The following CDKL5 variants were observed in gnomAD, a reference collection of about 807,000 sequenced individuals.
The protein encoded by CDKL5 is cyclin dependent kinase like 5.
CDKL5 carries 8 observed loss-of-function variants against 61.7 expected under a neutral mutation model. The ratio of observed to expected loss-of-function variants is 0.13; its 90% CI spans 0.08 to 0.23. The LOEUF is 0.23. Ranked by LOEUF, CDKL5 falls within the 10% of genes least tolerant of loss-of-function variation. The pLI, the probability that CDKL5 is intolerant of heterozygous loss-of-function variation, is 1.00. For missense variants in CDKL5, 440 were observed against 734.5 expected (o/e 0.60, Z 4.63); for synonymous variants, 275 against 272.3 (o/e 1.01, Z -0.10).
chrX:18,477,239 G>A (rs1314445333), intron 1 of CDKL5, among the ~76,000 whole-genome samples: 6 of 110,714 alleles, frequency 5.4e-5, no homozygotes, highest in Non-Finnish European at 1.1e-4. Flanking sequence ...GCTAATTTTT[G>A]TATTTTTAGT....
chrX:18,606,706 G>C (rs1205716388), intron 12 of CDKL5, among the ~76,000 whole-genome samples: 1 of 112,419 alleles, frequency 8.9e-6, no homozygotes. Context: ...GGAAGGAGAA[G>C]GAAGGTAACA....
chrX:18,584,756 A>G (rs1367511981), intron 8 of CDKL5, among the ~76,000 whole-genome samples: 1 of 111,861 alleles, frequency 8.9e-6, no homozygotes, highest in Non-Finnish European at 1.9e-5. Flanking sequence ...ATTCTGTGCT[A>G]TTAAGAGGGT....
chrX:18,461,116 G>T (rs187227081), intron 1 of CDKL5, among the ~76,000 whole-genome samples: 1 of 111,892 alleles, frequency 8.9e-6, no homozygotes, highest in African/African-American at 3.2e-5. Flanking sequence ...TTGTCAATGA[G>T]TATCTAGTTA....
intron 4 of CDKL5, among the ~76,000 whole-genome samples, chrX:18,566,529 A>G (rs767287431): frequency 8.9e-6 from 1 of 112,019 alleles, no homozygotes; most frequent in Non-Finnish European, 1.9e-5. Context: ...CTTAGCTTCA[A>G]TTATATATTT....
At chrX:18,470,336 A>C in intron 1 of CDKL5, among the ~76,000 whole-genome samples, 1 of 67,655 alleles carries the variant, frequency 1.5e-5, no homozygotes, top group Admixed American at 1.4e-4. Context: ...ACTCCGTCTC[A>C]AAAAAAAAAA....
chrX:18,479,310 ATTTCTT>A, intron 1 of CDKL5, among the ~76,000 whole-genome samples: 1 of 75,636 alleles, frequency 1.3e-5, no homozygotes, highest in East Asian at 4.1e-4. Flanking sequence ...CTCAGCCACT[ATTTCTT>A]TTTTTTTTTT....
intron 1 of CDKL5, among the ~76,000 whole-genome samples, chrX:18,432,312 G>A (rs776570899): frequency 9.2e-6 from 1 of 109,181 alleles, no homozygotes; most frequent in South Asian, 3.9e-4. Flanking sequence ...TGGCCAGGCT[G>A]GTCTTGAACC....
At position 18,634,964 on chromosome X, in the gene CDKL5, G is replaced by C; in HGVS notation, c.*6207G>C. 5.4e-6 allele frequency: 4 copies of C among 738,213 alleles called. No individual in the cohort carries two copies. The highest frequency in any genetic ancestry group is 6.4e-6 in the Non-Finnish European group (4 of 628,134). 60.8% of individuals were successfully genotyped at this position (738,213 alleles called of 1,213,427 possible). ...ATAAGCCAGAATGATGTGACATCTA[G>C]TATGTGGTAGATGAAGAATCAGTGG... On this transcript the variant is annotated 3_prime_UTR_variant, in exon 18 of 18. Transcript: ENST00000623535.
At chrX:18,514,663 C>T (rs1922947115) in intron 3 of CDKL5, among the ~76,000 whole-genome samples, 1 of 102,630 alleles carries the variant, frequency 9.7e-6, no homozygotes, top group Admixed American at 1.1e-4. Flanking sequence ...ACCGATATCG[C>T]ACCACTGCAC....
rs1033803872 is a variant in CDKL5, at chrX:18,476,764, A to G, written c.-162-30171A>G. Among the ~76,000 whole-genome samples the G allele has an allele frequency of 5.4e-5, 6 of 111,697 alleles. No individual in the cohort carries two copies. In the East Asian group the frequency reaches 1.7e-3, roughly 31 times the overall value. On this transcript the variant is annotated intron_variant, in intron 1 of 17. Transcript: ENST00000623535. ...AAAATACGCCTCGCATAGACAACAT[A>G]TAGTTGAATCTTTTTTTTTTTGAGA...
chrX:18,483,895 TC>T (rs1315648503), intron 1 of CDKL5, among the ~76,000 whole-genome samples: 4 of 112,306 alleles, frequency 3.6e-5, no homozygotes, highest in African/African-American at 6.5e-5. Context: ...CTATATTGAA[TC>T]CTGTGTCTAT....
chrX:18,514,318 TAATA>T (rs972066047), intron 3 of CDKL5, among the ~76,000 whole-genome samples: 2 of 111,486 alleles, frequency 1.8e-5, no homozygotes, highest in Non-Finnish European at 3.8e-5. Context: ...GTATATATAA[TAATA>T]AGTTGTTATA....
chrX:18,651,459 C>T (rs760239918), intron 21 of CDKL5, among the ~76,000 whole-genome samples: 8 of 110,931 alleles, frequency 7.2e-5, no homozygotes, highest in Non-Finnish European at 1.3e-4. Flanking sequence ...AGGGCCTGAG[C>T]GCAGCAGAGA....
At chrX:18,571,312 T>G (rs1925129343) in intron 4 of CDKL5, among the ~76,000 whole-genome samples, 1 of 111,656 alleles carries the variant, frequency 9.0e-6, no homozygotes, top group Admixed American at 9.5e-5. Context: ...TTGTATACTA[T>G]GCCACCTTTG....
chrX:18,628,790 A>G lies in CDKL5; in HGVS notation c.*33A>G. On this transcript the variant is annotated 3_prime_UTR_variant, in exon 18 of 18. Coordinates refer to ENST00000623535, the MANE Select transcript of CDKL5 (RefSeq NM_001323289.2). The stretch of plus-strand genomic sequence containing the variant: ...TGGTAGGGGGGAGGGGTGGACAGAC[A>G]AGCCAGTGGGGAGGGGTGGGAAAGG... 7.7e-6 allele frequency: 4 copies of G among 518,887 alleles called. No homozygotes were observed. Among genetic ancestry groups the G allele is most frequent in the Non-Finnish European group, 1.0e-5 (4 of 389,142 alleles). 42.8% of individuals were successfully genotyped at this position (518,887 alleles called of 1,213,427 possible). A position where few individuals can be genotyped will look rare whatever the true frequency, so the allele number is the denominator to read the frequency against.
chrX:18,518,401 T>A (rs1358553057), intron 3 of CDKL5, among the ~76,000 whole-genome samples: 1 of 60,112 alleles, frequency 1.7e-5, no homozygotes, highest in Non-Finnish European at 3.1e-5. Flanking sequence ...TTTTTTTTTT[T>A]TTTTTTTTTT....
rs1927250634 is a variant in CDKL5 at position 18,631,972 on chromosome X, A to T, written c.*3215A>T. 2 of 602,658 alleles carry T rather than the reference A, an allele frequency of 3.3e-6. No individual in the cohort carries two copies. Among genetic ancestry groups the T allele is most frequent in the African/African-American group, 5.0e-5 (2 of 40,212 alleles). The allele number at this position is 602,658 out of a possible 1,213,427, so 49.7% of individuals were successfully genotyped here. A position where few individuals can be genotyped will look rare whatever the true frequency, so the allele number is the denominator to read the frequency against. On this transcript the variant is annotated 3_prime_UTR_variant, in exon 18 of 18. Coordinates refer to ENST00000623535, the MANE Select transcript of CDKL5 (RefSeq NM_001323289.2). ...GGTTGTCATAGCTGGGGGGGAGGTG[A>T]TGGTATGCTACTGGCATCAAGTGGT...
chrX:18,454,933 C>T (rs1478839217), intron 1 of CDKL5, among the ~76,000 whole-genome samples: 1 of 95,608 alleles, frequency 1.0e-5, no homozygotes, highest in Non-Finnish European at 2.1e-5. Context: ...CACTCTGTCA[C>T]GCAGGCTGGA....
chrX:18,625,038 T>C, intron 16 of CDKL5, 90 bp from the exon 17 acceptor site: 1 of 919,709 alleles, frequency 1.1e-6, no homozygotes, highest in Admixed American at 2.2e-5. Context: ...TGGTTTGCTT[T>C]TTAGTTTGGT....
Sources: gnomAD v4.1 joint callset for allele counts (sites outside exome capture counted in the v4.1 genomes callset) on GRCh38, gnomAD v4.1.1 for gene constraint, MANE v1.5 for transcripts, NCBI Gene and HGNC (gene_info 2026-07-23, HGNC 2026-07-21) for gene names.